Variants in FRMD5 observed in about 807,000 individuals in gnomAD.
The protein encoded by FRMD5 is FERM domain-containing protein 5.
A neutral mutation model predicts 69.0 loss-of-function variants in FRMD5; 20 were observed. That is an observed-to-expected ratio of 0.29 (90% confidence interval 0.20 to 0.42). The LOEUF (loss-of-function observed/expected upper bound fraction) is 0.42, where lower values mean the gene tolerates loss of function less well. Among genes scored for constraint, FRMD5 ranks in the 10% least tolerant of loss-of-function variants. FRMD5 has a pLI of 1.00. For missense variants in FRMD5, 595 were observed against 708.6 expected (o/e 0.84, Z 1.82); for synonymous variants, 271 against 260.1 (o/e 1.04, Z -0.40).
Position 44,141,149 on chromosome 15 carries a change from A to G in FRMD5, c.102+53804T>C, listed in dbSNP as rs543119344. Among the ~76,000 whole-genome samples the G allele has an allele frequency of 4.6e-5, 7 of 152,298 alleles. No individual in the cohort carries two copies. In the East Asian group the frequency reaches 7.7e-4, roughly 17 times the overall value. On this transcript the variant is annotated intron_variant, in intron 1 of 13. Transcript: ENST00000417257. ...TATATTAAAAACCTCCAAAAATAAC[A>G]TGAATGGAGAAATATATTATGTTCA...
Position 43,916,166 on chromosome 15 carries a change from C to T in FRMD5, c.329+3293G>A, listed in dbSNP as rs141908685. On this transcript the variant is annotated intron_variant, in intron 4 of 13. Coordinates refer to ENST00000417257, the MANE Select transcript of FRMD5 (RefSeq NM_032892.5). The stretch of plus-strand genomic sequence containing the variant: ...ATGGTTAGCACAAATGCATGCAGAC[C>T]GAGAGGAGCTCCTTCTCTTGCCAGT... 2.3e-3 allele frequency among the ~76,000 whole-genome samples: 348 copies of T among 152,228 alleles called. 1 individual carries two copies. Among genetic ancestry groups the T allele is most frequent in the Middle Eastern group, 6.8e-3 (2 of 294 alleles).
intron 1 of FRMD5, among the ~76,000 whole-genome samples, chr15:44,106,580 C>T (rs1017050568): frequency 9.9e-5 from 15 of 152,178 alleles, no homozygotes; most frequent in African/African-American, 2.9e-4. Context: ...TCTAGGAAGG[C>T]TTAATAAATG....
At chr15:44,180,053 A>T (rs1290897669) in intron 1 of FRMD5, among the ~76,000 whole-genome samples, 9 of 914 alleles carry the variant, frequency 9.8e-3, no homozygotes, top group Non-Finnish European at 0.042. Flanking sequence ...TCCATCTCTT[A>T]AAAAAAAAAA....
intron 13 of FRMD5, among the ~76,000 whole-genome samples, chr15:43,877,491 C>CCTGT (rs1184368987): frequency 6.6e-6 from 1 of 152,178 alleles, no homozygotes; most frequent in Non-Finnish European, 1.5e-5. Flanking sequence ...CCTTGTGGAG[C>CCTGT]CTGTCTTGGC....
At chr15:43,982,628 T>C (rs2140627171) in intron 1 of FRMD5, among the ~76,000 whole-genome samples, 1 of 152,344 alleles carries the variant, frequency 6.6e-6, no homozygotes, top group East Asian at 1.9e-4. Flanking sequence ...TTCATCTGCA[T>C]TAAGAATTCA....
At chr15:43,878,434 C>T (rs1302265818) in intron 13 of FRMD5, among the ~76,000 whole-genome samples, 1 of 152,092 alleles carries the variant, frequency 6.6e-6, no homozygotes, top group East Asian at 1.9e-4. Flanking sequence ...CTTAATTGCT[C>T]GAGAAACTGT....
intron 1 of FRMD5, among the ~76,000 whole-genome samples, chr15:44,030,444 G>T (rs964745875): frequency 1.3e-5 from 2 of 152,124 alleles, no homozygotes; most frequent in African/African-American, 4.8e-5. Flanking sequence ...TTACTGACAA[G>T]ATTTATAATT....
At chr15:44,145,909 T>A (rs1486569577) in intron 1 of FRMD5, among the ~76,000 whole-genome samples, 1 of 152,226 alleles carries the variant, frequency 6.6e-6, no homozygotes, top group Non-Finnish European at 1.5e-5. Flanking sequence ...GCTTACCATA[T>A]GGAAATGGCA....
chr15:43,895,148 A>T (rs755151197), intron 7 of FRMD5, among the ~76,000 whole-genome samples: 1 of 152,236 alleles, frequency 6.6e-6, no homozygotes. Context: ...CTTAATACAA[A>T]TCCTTTTGTA....
chr15:43,893,130 A>AC (rs201695714), intron 7 of FRMD5, among the ~76,000 whole-genome samples: 59 of 148,678 alleles, frequency 4.0e-4, no homozygotes, highest in East Asian at 2.2e-3. Context: ...CGAAAAAACA[A>AC]AAAAAAAAAA....
intron 13 of FRMD5, among the ~76,000 whole-genome samples, chr15:43,877,002 G>T (rs2088380139): frequency 6.6e-6 from 1 of 152,138 alleles, no homozygotes; most frequent in Non-Finnish European, 1.5e-5. Context: ...ACAGGAGCTG[G>T]TTACACTCTC....
chr15:44,159,452 T>C (rs2077578815), intron 1 of FRMD5, among the ~76,000 whole-genome samples: 1 of 152,096 alleles, frequency 6.6e-6, no homozygotes, highest in Admixed American at 6.5e-5. Context: ...TATCTCCAGA[T>C]GAGAAATTAA....
intron 1 of FRMD5, among the ~76,000 whole-genome samples, chr15:44,092,778 A>G (rs926472519): frequency 2.6e-5 from 4 of 152,020 alleles, no homozygotes; most frequent in African/African-American, 9.7e-5. Flanking sequence ...TAGAAACTTA[A>G]TCTAAATTTC....
chr15:44,130,094 G>A (rs939148519), intron 1 of FRMD5, among the ~76,000 whole-genome samples: 1 of 152,132 alleles, frequency 6.6e-6, no homozygotes, highest in East Asian at 1.9e-4. Flanking sequence ...GTGGTCAATG[G>A]CGCTCCCTCC....
At chr15:43,955,581 T>C (rs962402915) in intron 1 of FRMD5, among the ~76,000 whole-genome samples, 22 of 152,176 alleles carry the variant, frequency 1.4e-4, no homozygotes, top group African/African-American at 5.3e-4. Flanking sequence ...CCAACTGCTT[T>C]GTGAAAAGGG....
chr15:43,883,818 A>G lies in FRMD5; in HGVS notation c.1029-9T>C, dbSNP rs1339506626. 3 of 1,605,418 alleles carry G rather than the reference A, an allele frequency of 1.9e-6. No homozygotes were observed. Among genetic ancestry groups the G allele is most frequent in the Non-Finnish European group, 2.6e-6 (3 of 1,172,276 alleles). ...TGGGAACCATCCCTGCTCTGAGGTT[A>G]AAGAAAAAGAACCTTGTTAATTCAG... On this transcript the variant is annotated splice_polypyrimidine_tract_variant and intron_variant, in intron 12 of 13. Coordinates refer to ENST00000417257, the MANE Select transcript of FRMD5 (RefSeq NM_032892.5).
intron 1 of FRMD5, among the ~76,000 whole-genome samples, chr15:44,166,466 T>C (rs1300198371): frequency 1.3e-5 from 2 of 152,138 alleles, no homozygotes; most frequent in African/African-American, 4.8e-5. Context: ...CTTTTTTATT[T>C]CTCTCGTTAT....
intron 1 of FRMD5, among the ~76,000 whole-genome samples, chr15:44,162,851 G>C (rs1042081828): frequency 6.3e-5 from 8 of 127,968 alleles, no homozygotes; most frequent in African/African-American, 1.8e-4. Flanking sequence ...TGGGCAACGA[G>C]AGCGAAACTC....
chr15:44,143,957 TTA>T (rs2077315628), intron 1 of FRMD5, among the ~76,000 whole-genome samples: 1 of 140,326 alleles, frequency 7.1e-6, no homozygotes, highest in Admixed American at 7.2e-5. Flanking sequence ...AAGAAAAGTA[TTA>T]TCTTTCCCTG....
Sources: allele counts gnomAD v4.1 joint callset (sites outside exome capture counted in the v4.1 genomes callset), GRCh38; gene constraint gnomAD v4.1.1; transcripts MANE v1.5; gene names NCBI Gene and HGNC (gene_info 2026-07-23, HGNC 2026-07-21).